SLC25A21: variants seen among roughly 807,000 people sequenced by gnomAD.
SLC25A21 encodes mitochondrial 2-oxodicarboxylate carrier.
A neutral mutation model predicts 43.8 loss-of-function variants in SLC25A21; 47 were observed. The ratio of observed to expected loss-of-function variants is 1.07; its 90% CI spans 0.85 to 1.37. The LOEUF is 1.37. SLC25A21 is among the 40% of genes most tolerant of loss of function. The probability of loss-of-function intolerance (pLI) is 0.00; values close to 1 mark genes in which losing one functional copy is unlikely to be tolerated. For synonymous variants in SLC25A21, 131 were observed against 121.3 expected (o/e 1.08, Z -0.52); for missense variants, 352 against 350.2 (o/e 1.00, Z -0.04).
intron 1 of SLC25A21, among the ~76,000 whole-genome samples, chr14:37,168,159 C>T (rs1311954821): frequency 1.3e-5 from 2 of 151,930 alleles, no homozygotes; most frequent in African/African-American, 4.8e-5. Context: ...TTTTGAGTAC[C>T]AAGGGTCTGA....
chr14:36,772,959 A>C (rs1161853593), intron 3 of SLC25A21, among the ~76,000 whole-genome samples: 2 of 152,212 alleles, frequency 1.3e-5, no homozygotes, highest in African/African-American at 4.8e-5. Context: ...CCTCATTTTC[A>C]CTATGAACTG....
intron 2 of SLC25A21, among the ~76,000 whole-genome samples, chr14:36,839,775 A>G (rs1889324983): frequency 6.6e-6 from 1 of 152,236 alleles, no homozygotes; most frequent in Admixed American, 6.5e-5. Flanking sequence ...CCTACTGCAC[A>G]TCTATGCTAT....
intron 1 of SLC25A21, among the ~76,000 whole-genome samples, chr14:36,986,286 T>C (rs935879673): frequency 2.6e-5 from 4 of 152,198 alleles, no homozygotes; most frequent in African/African-American, 9.6e-5. Flanking sequence ...CCACATTCTG[T>C]CTTCTTCCTT....
chr14:37,078,835 T>A (rs992574898), intron 1 of SLC25A21, among the ~76,000 whole-genome samples: 1 of 151,012 alleles, frequency 6.6e-6, no homozygotes, highest in Non-Finnish European at 1.5e-5. Flanking sequence ...GGCTTTCCAT[T>A]ATTTTCCTTT....
chr14:37,156,967 T>G (rs1221377198), intron 1 of SLC25A21, among the ~76,000 whole-genome samples: 2 of 152,230 alleles, frequency 1.3e-5, no homozygotes, highest in Non-Finnish European at 2.9e-5. Context: ...ATCCAACAAG[T>G]GCTGAATATA....
chr14:36,889,738 A>G (rs1038988588), intron 1 of SLC25A21, among the ~76,000 whole-genome samples: 1 of 151,882 alleles, frequency 6.6e-6, no homozygotes, highest in Non-Finnish European at 1.5e-5. Flanking sequence ...CAATCCTCCC[A>G]CCTCAGCCTC....
At chr14:36,718,748 G>C (rs976263315) in intron 6 of SLC25A21, among the ~76,000 whole-genome samples, 11 of 152,056 alleles carry the variant, frequency 7.2e-5, no homozygotes, top group Non-Finnish European at 1.3e-4. Context: ...CAAACCCTGA[G>C]CTAATTTTTT....
intron 1 of SLC25A21, among the ~76,000 whole-genome samples, chr14:37,074,694 G>A (rs1318284210): frequency 7.9e-5 from 12 of 152,036 alleles, no homozygotes; most frequent in African/African-American, 2.2e-4. Flanking sequence ...TTAGCCAGGC[G>A]TAGTGGTGTG....
chr14:37,159,040 T>C (rs1594823947), intron 1 of SLC25A21, among the ~76,000 whole-genome samples: 7 of 151,866 alleles, frequency 4.6e-5, no homozygotes, highest in Admixed American at 3.9e-4. Flanking sequence ...AGGTAAAAGA[T>C]CTATACAAGG....
At chr14:36,893,135 C>T (rs1022468525) in intron 1 of SLC25A21, among the ~76,000 whole-genome samples, 2 of 152,168 alleles carry the variant, frequency 1.3e-5, no homozygotes, top group African/African-American at 4.8e-5. Context: ...CTGACTTCCA[C>T]AATGGTTGAA....
At chr14:36,796,860 CACTTT>C (rs2138412397) in intron 3 of SLC25A21, among the ~76,000 whole-genome samples, 1 of 152,210 alleles carries the variant, frequency 6.6e-6, no homozygotes, top group Non-Finnish European at 1.5e-5. Flanking sequence ...AGAGCCAATG[CACTTT>C]ACTTAACTGC....
intron 1 of SLC25A21, among the ~76,000 whole-genome samples, chr14:36,979,056 C>A (rs1959949761): frequency 6.6e-6 from 1 of 152,118 alleles, no homozygotes; most frequent in Non-Finnish European, 1.5e-5. Context: ...CCACTGCACT[C>A]CAGCCTGGAA....
At chr14:37,048,070 C>A (rs10136870) in intron 1 of SLC25A21, among the ~76,000 whole-genome samples, 60,021 of 151,938 alleles carry the variant, frequency 0.4, 12,640 homozygotes, top group African/African-American at 0.55. Flanking sequence ...ATTGTTCAAA[C>A]GCTCCTTTCC....
Position 36,893,095 on chromosome 14 carries a change from C to G in SLC25A21, c.71-18091G>C, listed in dbSNP as rs1201231868. 2.6e-5 allele frequency among the ~76,000 whole-genome samples: 4 copies of G among 152,152 alleles called. No individual in the cohort carries two copies. In the East Asian group the frequency reaches 5.8e-4, roughly 22 times the overall value. On this transcript the variant is annotated intron_variant, in intron 1 of 9. Coordinates refer to ENST00000331299, the MANE Select transcript of SLC25A21 (RefSeq NM_030631.4). ...GGGATGGCTGGGTCAAATGGTATTTCTAGTTCCAGATCCCTGAGGAATCGC... is the reference window on the plus strand; with the variant it reads ...GGGATGGCTGGGTCAAATGGTATTTGTAGTTCCAGATCCCTGAGGAATCGC...
At chr14:37,133,337 T>C (rs948457201) in intron 1 of SLC25A21, among the ~76,000 whole-genome samples, 1 of 152,112 alleles carries the variant, frequency 6.6e-6, no homozygotes, top group African/African-American at 2.4e-5. Flanking sequence ...TGACATTCCC[T>C]TTCATGCCTA....
At chr14:36,957,063 A>C (rs143344205) in intron 1 of SLC25A21, among the ~76,000 whole-genome samples, 2 of 152,204 alleles carry the variant, frequency 1.3e-5, no homozygotes, top group Non-Finnish European at 2.9e-5. Context: ...TTTGTTGCCA[A>C]AGTGTATTTG....
intron 2 of SLC25A21, among the ~76,000 whole-genome samples, chr14:36,814,287 G>A (rs1317742319): frequency 6.6e-6 from 1 of 152,120 alleles, no homozygotes; most frequent in African/African-American, 2.4e-5. Flanking sequence ...TTCCTTTTGT[G>A]AAGAGCATAC....
Position 36,679,722 on chromosome 14 carries a change from T to A in SLC25A21, c.*936A>T. ...TGAAAATGCAGTTCTGTTCTATACA[T>A]TCTTCCTAAAAATGGCACAGGTAGG... On this transcript the variant is annotated 3_prime_UTR_variant, in exon 10 of 10. Coordinates refer to ENST00000331299, the MANE Select transcript of SLC25A21 (RefSeq NM_030631.4). 2.0e-6 allele frequency: 2 copies of A among 985,446 alleles called. No homozygotes were observed. Among genetic ancestry groups the A allele is most frequent in the African/African-American group, 3.5e-5 (2 of 57,374 alleles). The allele number at this position is 985,446 out of a possible 1,614,324, so 61.0% of individuals were successfully genotyped here.
intron 1 of SLC25A21, among the ~76,000 whole-genome samples, chr14:37,098,734 TAGATAGATAGATAGAC>T (rs1178431581): frequency 0.079 from 728 of 9,172 alleles, 7 homozygotes; most frequent in African/African-American, 0.087. Flanking sequence ...GATAGATAGA[TAGATAGATAGATAGAC>T]AGACAGACAG....
Sources: allele counts gnomAD v4.1 joint callset (sites outside exome capture counted in the v4.1 genomes callset), GRCh38; gene constraint gnomAD v4.1.1; transcripts MANE v1.5; gene names NCBI Gene and HGNC (gene_info 2026-07-23, HGNC 2026-07-21).